Variants in RBM20 observed in about 807,000 individuals in gnomAD.
RBM20 encodes RNA binding motif protein 20.
In RBM20, 51 loss-of-function variants were observed where a neutral mutation model predicts 110.1. That is an observed-to-expected ratio of 0.46 (90% confidence interval 0.37 to 0.59). The LOEUF is 0.59. RBM20 is among the 20% of genes least tolerant of loss of function. The pLI is 0.00. For missense variants in RBM20, 1,512 were observed against 1,574.9 expected, an observed-to-expected ratio of 0.96 and a Z score of 0.68; for synonymous variants, 589 against 618.2, an observed-to-expected ratio of 0.95 and a Z score of 0.70.
chr10:110,834,947 T>C (rs117230900), intron 13 of RBM20, among the ~76,000 whole-genome samples: 1,974 of 152,312 alleles, frequency 0.013, 23 homozygotes, highest in African/African-American at 0.014. Flanking sequence ...TCTGGGGTCA[T>C]GCAGAGGCAG....
At chr10:110,680,599 G>C (rs1038176031) in intron 1 of RBM20, among the ~76,000 whole-genome samples, 4 of 152,220 alleles carry the variant, frequency 2.6e-5, no homozygotes, top group Non-Finnish European at 5.9e-5. Flanking sequence ...CTAGCTCGGG[G>C]ACTGACACAT....
At chr10:110,753,635 G>A (rs1438650442) in intron 1 of RBM20, among the ~76,000 whole-genome samples, 1 of 152,112 alleles carries the variant, frequency 6.6e-6, no homozygotes, top group East Asian at 1.9e-4. Flanking sequence ...GTTTTCACTG[G>A]TTGCTGTAAC....
intron 7 of RBM20, among the ~76,000 whole-genome samples, chr10:110,802,207 T>C (rs1470287702): frequency 2.6e-5 from 4 of 152,156 alleles, no homozygotes; most frequent in Non-Finnish European, 1.5e-5. Context: ...ACCTTCAAGG[T>C]TGAAGTTAGA....
chr10:110,809,258 A>G (rs963370236), intron 7 of RBM20, among the ~76,000 whole-genome samples: 1 of 142,050 alleles, frequency 7.0e-6, no homozygotes, highest in Non-Finnish European at 1.5e-5. Context: ...TAAATTACAT[A>G]GAAAAAATCA....
chr10:110,778,429 C>A (rs1844295042), intron 1 of RBM20, among the ~76,000 whole-genome samples: 1 of 152,198 alleles, frequency 6.6e-6, no homozygotes, highest in South Asian at 2.1e-4. Context: ...GTGTGGCAAC[C>A]CATGTCACTT....
intron 5 of RBM20, among the ~76,000 whole-genome samples, chr10:110,790,807 GT>G (rs113933134): frequency 4.4e-4 from 67 of 151,962 alleles, no homozygotes; most frequent in African/African-American, 1.1e-3. Context: ...CGATTGATAG[GT>G]TTTTTTTCAG....
intron 1 of RBM20, among the ~76,000 whole-genome samples, chr10:110,765,482 G>A (rs141561122): frequency 3.4e-4 from 52 of 152,240 alleles, no homozygotes; most frequent in African/African-American, 1.2e-3. Context: ...GTATCTTTAA[G>A]TAAAGTTAAG....
At chr10:110,751,332 A>C (rs1843850899) in intron 1 of RBM20, among the ~76,000 whole-genome samples, 1 of 152,188 alleles carries the variant, frequency 6.6e-6, no homozygotes, top group South Asian at 2.1e-4. Context: ...GACAAACATA[A>C]AAAGCCATGT....
intron 1 of RBM20, among the ~76,000 whole-genome samples, chr10:110,736,739 T>G (rs1843674701): frequency 6.6e-6 from 1 of 152,156 alleles, no homozygotes; most frequent in Non-Finnish European, 1.5e-5. Context: ...CAGTAAGCTC[T>G]TCATTGAATG....
chr10:110,715,951 A>C (rs1863009531), intron 1 of RBM20, among the ~76,000 whole-genome samples: 1 of 152,204 alleles, frequency 6.6e-6, no homozygotes, highest in Non-Finnish European at 1.5e-5. Flanking sequence ...GAAGAAAAGA[A>C]CTAGATGAGC....
At chr10:110,752,435 C>A (rs183897875) in intron 1 of RBM20, among the ~76,000 whole-genome samples, 1 of 152,146 alleles carries the variant, frequency 6.6e-6, no homozygotes. Context: ...GTTTATTTAG[C>A]CATTCACCTG....
At chr10:110,756,660 T>G (rs961937992) in intron 1 of RBM20, 1 of 152,244 alleles carries the variant, frequency 6.6e-6, no homozygotes, top group Non-Finnish European at 1.5e-5. Context: ...TGTGCTTCTC[T>G]GTTTAAGACT....
intron 5 of RBM20, among the ~76,000 whole-genome samples, chr10:110,785,195 A>C (rs149698446): frequency 6.6e-6 from 1 of 152,184 alleles, no homozygotes. Flanking sequence ...CATGCTCAGT[A>C]TGCACCTGAC....
chr10:110,665,567 C>T (rs1442844304), intron 1 of RBM20, among the ~76,000 whole-genome samples: 2 of 152,062 alleles, frequency 1.3e-5, no homozygotes, highest in African/African-American at 4.8e-5. Context: ...ACTTAAAATA[C>T]TTATCAGCAA....
chr10:110,826,026 C>A (rs551814814), intron 12 of RBM20, among the ~76,000 whole-genome samples: 1 of 152,274 alleles, frequency 6.6e-6, no homozygotes, highest in East Asian at 1.9e-4. Context: ...GCCAGTGTTC[C>A]TGTGGGAGAG....
chr10:110,702,493 G>A (rs903658790), intron 1 of RBM20, among the ~76,000 whole-genome samples: 2 of 152,268 alleles, frequency 1.3e-5, no homozygotes, highest in African/African-American at 2.4e-5. Context: ...CTCGGATGGC[G>A]ACCGTGCACT....
Position 110,781,292 on chromosome 10 carries a change from T to C in RBM20, c.683T>C (p.Phe228Ser), listed in dbSNP as rs1453329803. The C allele has an allele frequency of 6.4e-7, 1 of 1,551,674 alleles. No individual in the cohort carries two copies. Among genetic ancestry groups the C allele is most frequent in the Non-Finnish European group, 8.7e-7 (1 of 1,146,978 alleles). Reference sequence around the variant, plus strand: ...GGGCCTGCTCCAGCTACAGCAGGATTCTATGAGTATGGCAAAGCCAGCTCT... The same window carrying C: ...GGGCCTGCTCCAGCTACAGCAGGATCCTATGAGTATGGCAAAGCCAGCTCT... Reference protein sequence around the residue: ...KTGPAPATAGFYEYGKASSGQ... With the variant: ...KTGPAPATAGSYEYGKASSGQ... The change falls in exon 2 of 14, where the codon TTC becomes TCC. Residue 228 changes from phenylalanine (F) to serine (S), a missense_variant. By Grantham distance (155) the Phe-to-Ser change is radical. Transcript: ENST00000369519.
intron 1 of RBM20, among the ~76,000 whole-genome samples, chr10:110,767,341 C>T (rs1844112856): frequency 7.1e-6 from 1 of 140,810 alleles, no homozygotes; most frequent in Non-Finnish European, 1.6e-5. Context: ...GGGTGGGGGG[C>T]TGACCCCCCC....
chr10:110,696,887 C>T (rs926914833), intron 1 of RBM20, among the ~76,000 whole-genome samples: 4 of 152,176 alleles, frequency 2.6e-5, no homozygotes, highest in African/African-American at 9.7e-5. Flanking sequence ...AATGTGTGCT[C>T]ATCCCTGTTA....
Sources: allele counts gnomAD v4.1 joint callset (sites outside exome capture counted in the v4.1 genomes callset), GRCh38; gene constraint gnomAD v4.1.1; transcripts MANE v1.5; gene names NCBI Gene and HGNC (gene_info 2026-07-23, HGNC 2026-07-21).